KIAA0319: variants seen among roughly 807,000 people sequenced by gnomAD.
KIAA0319 encodes KIAA0319, also known as dyslexia-associated protein KIAA0319.
A neutral mutation model predicts 108.4 loss-of-function variants in KIAA0319; 83 were observed. The ratio of observed to expected loss-of-function variants is 0.77; its 90% CI spans 0.64 to 0.92. The LOEUF (loss-of-function observed/expected upper bound fraction) is 0.92, where lower values mean the gene tolerates loss of function less well. KIAA0319 is among the 40% of genes least tolerant of loss of function. KIAA0319 has a pLI of 0.00. For synonymous variants in KIAA0319, 484 were observed against 510.4 expected (o/e 0.95, Z 0.70); for missense variants, 1,195 against 1,322.4 (o/e 0.90, Z 1.49).
chr6:24,571,036 C>A (rs1764652787), intron 11 of KIAA0319, among the ~76,000 whole-genome samples: 1 of 150,612 alleles, frequency 6.6e-6, no homozygotes, highest in African/African-American at 2.4e-5. Context: ...TATTAAAAAT[C>A]CAAAAATTAG....
rs188948477 is a variant in KIAA0319, at chr6:24,608,909, C to T, written c.-105-7701G>A. On this transcript the variant is annotated intron_variant, in intron 1 of 20. Coordinates refer to ENST00000378214, the MANE Select transcript of KIAA0319 (RefSeq NM_014809.4). The stretch of plus-strand genomic sequence containing the variant: ...TCATGTCACTGCACTCCAGCCTGGG[C>T]GACAGAGGGAGACTCCGTCTCAAAA... Among the ~76,000 whole-genome samples the T allele has an allele frequency of 6.2e-3, 656 of 106,258 alleles. 1 individual carries two copies. The highest frequency in any genetic ancestry group is 8.0e-3 in the Non-Finnish European group (463 of 57,614). The allele number at this position is 106,258 out of a possible 152,430, so 69.7% of individuals were successfully genotyped here. A position where few individuals can be genotyped will look rare whatever the true frequency, so the allele number is the denominator to read the frequency against.
At chr6:24,631,440 G>A (rs1293166387) in intron 1 of KIAA0319, among the ~76,000 whole-genome samples, 1 of 152,202 alleles carries the variant, frequency 6.6e-6, no homozygotes, top group African/African-American at 2.4e-5. Context: ...AGGAGTATAC[G>A]TTGGGAGAAA....
chr6:24,614,563 A>C (rs1772874897), intron 1 of KIAA0319, among the ~76,000 whole-genome samples: 1 of 152,190 alleles, frequency 6.6e-6, no homozygotes, highest in Non-Finnish European at 1.5e-5. Context: ...GGAAAAAAAA[A>C]CAATTAAATA....
intron 2 of KIAA0319, chr6:24,598,314 G>T: frequency 3.0e-6 from 2 of 674,966 alleles, no homozygotes; most frequent in South Asian, 1.5e-5. Context: ...AGAAGGAGCA[G>T]ATCAAGACCA....
intron 1 of KIAA0319, among the ~76,000 whole-genome samples, chr6:24,628,863 G>A (rs1775096432): frequency 6.6e-6 from 1 of 152,026 alleles, no homozygotes; most frequent in Non-Finnish European, 1.5e-5. Flanking sequence ...CCTCTTATAA[G>A]GGCACCAGTC....
At position 24,579,954 on chromosome 6, in the gene KIAA0319, T is replaced by TA; in HGVS notation, c.1280-5dup. ...GGTGGCAGGTTGACTCTTCTGGCTG[T>TA]AACAAAAAAAAGGACAGTGACTGAG... On this transcript the variant is annotated splice_polypyrimidine_tract_variant and splice_region_variant and intron_variant, in intron 7 of 20. Transcript: ENST00000378214. 2.5e-6 allele frequency: 4 copies of TA among 1,574,414 alleles called. No individual in the cohort carries two copies. Among genetic ancestry groups the TA allele is most frequent in the Admixed American group, 3.7e-5 (2 of 53,776 alleles).
chr6:24,610,471 T>C (rs752554548), intron 1 of KIAA0319, among the ~76,000 whole-genome samples: 17 of 152,186 alleles, frequency 1.1e-4, no homozygotes, highest in Non-Finnish European at 1.0e-4. Context: ...TCCTCATACA[T>C]TGTTGGTGTG....
intron 8 of KIAA0319, among the ~76,000 whole-genome samples, chr6:24,579,493 C>A (rs2744560): frequency 0.07 from 9,968 of 141,520 alleles, 899 homozygotes; most frequent in African/African-American, 0.22. Flanking sequence ...TCTCATATAT[C>A]TTATATATCT....
At chr6:24,572,058 A>T (rs376740357) in intron 11 of KIAA0319, among the ~76,000 whole-genome samples, 13 of 152,262 alleles carry the variant, frequency 8.5e-5, no homozygotes, top group Non-Finnish European at 1.8e-4. Flanking sequence ...GTATAATCTC[A>T]TTGCCAGGAA....
In KIAA0319 at chr6:24,570,036, C is replaced by A. The variant is rs1305080035; in HGVS notation, c.1859-1G>T. 6.2e-7 allele frequency: 1 copy of A among 1,613,186 alleles called. No homozygotes were observed. Among genetic ancestry groups the A allele is most frequent in the Admixed American group, 1.7e-5 (1 of 59,798 alleles). ...ACAGCCACTGGAGGTCTATTGTTTT[C>A]TGGAATTACAGAAACAGTGTGAAAA... On this transcript the variant is annotated splice_acceptor_variant, in intron 11 of 20. Coordinates refer to ENST00000378214, the MANE Select transcript of KIAA0319 (RefSeq NM_014809.4). LOFTEE classifies it high-confidence loss of function.
Position 24,597,917 on chromosome 6 carries a change from CAAAAAAAAAAAA to C in KIAA0319, c.56-1311_56-1300del, listed in dbSNP as rs540860751. The C allele has an allele frequency of 5.5e-3, 180 of 32,458 alleles. 1 individual carries two copies. The highest frequency in any genetic ancestry group is 8.2e-3 in the Non-Finnish European group (129 of 15,648). 2.0% of individuals were successfully genotyped at this position (32,458 alleles called of 1,614,324 possible). On this transcript the variant is annotated intron_variant, in intron 2 of 20. Transcript: ENST00000378214. ...TGGGTGACAGAGCAAGACCCTATCT[CAAAAAAAAAAAA>C]AAAAAAAAAAAAAAAAAAAAACCAC...
chr6:24,576,955 T>G (rs1582024419), intron 9 of KIAA0319, among the ~76,000 whole-genome samples: 2 of 151,104 alleles, frequency 1.3e-5, no homozygotes, highest in South Asian at 4.2e-4. Context: ...AGAAAAAAAG[T>G]AGACAAAAAA....
At chr6:24,567,099 T>C (rs1159141043) in intron 13 of KIAA0319, among the ~76,000 whole-genome samples, 2 of 152,142 alleles carry the variant, frequency 1.3e-5, no homozygotes, top group African/African-American at 4.8e-5. Flanking sequence ...GTTTACAATA[T>C]ACTTTGGGTC....
At chr6:24,556,572 T>C in intron 18 of KIAA0319, 35 bp downstream of exon 18, 1 of 1,605,684 alleles carries the variant, frequency 6.2e-7, no homozygotes, top group Non-Finnish European at 8.5e-7. Context: ...GCCTTAAGGC[T>C]CCTCACCCAA....
chr6:24,559,062 C>G lies in KIAA0319; in HGVS notation c.2685G>C (p.Lys895Asn). 3.1e-6 allele frequency: 5 copies of G among 1,613,504 alleles called. No individual in the cohort carries two copies. The Middle Eastern group carries it at 5.1e-4, about 164-fold the overall frequency. The part of the protein sequence containing the change: ...VARNLHMRLS[K>N]EKADFLLFKV... ...TGAAAAGCAAGAAGTCAGCCTTCTC[C>G]TTTGAGAGCCGCATGTGCAGATTTC... The change falls in exon 17 of 21, where the codon AAG becomes AAC. Residue 895 changes from lysine (K) to asparagine (N), a missense_variant. Physicochemically the swap from Lys to Asn is moderately conservative, Grantham distance 94. Coordinates refer to ENST00000378214, the MANE Select transcript of KIAA0319 (RefSeq NM_014809.4).
rs1770341780 is a variant in KIAA0319, at chr6:24,599,858, T to C, written c.55+1191A>G. 5 of 403,178 alleles carry C rather than the reference T, an allele frequency of 1.2e-5. No individual in the cohort carries two copies. The highest frequency in any genetic ancestry group is 2.3e-5 in the Non-Finnish European group (5 of 214,292). The allele number at this position is 403,178 out of a possible 1,614,324, so 25.0% of individuals were successfully genotyped here. A position where few individuals can be genotyped will look rare whatever the true frequency, so the allele number is the denominator to read the frequency against. On this transcript the variant is annotated intron_variant, in intron 2 of 20. Transcript: ENST00000378214. The surrounding 1 kb of genome is among the most constrained non-coding windows in gnomAD (Gnocchi z 4.1). The stretch of plus-strand genomic sequence containing the variant: ...CCCCAGAGCCTGTGGGGGAGGCCAC[T>C]GTGCAGGGGAGCATAGGGAACAGGA...
chr6:24,642,360 T>C (rs1777077052), intron 1 of KIAA0319, among the ~76,000 whole-genome samples: 1 of 152,168 alleles, frequency 6.6e-6, no homozygotes, highest in African/African-American at 2.4e-5. Context: ...TCTGTTACAA[T>C]GATTACAAGA....
chr6:24,552,499 C>T (rs1761656041), intron 19 of KIAA0319, among the ~76,000 whole-genome samples: 1 of 152,192 alleles, frequency 6.6e-6, no homozygotes, highest in South Asian at 2.1e-4. Context: ...GGATTTAGGC[C>T]TCTAAGTGCC....
chr6:24,641,956 C>T (rs1202733433), intron 1 of KIAA0319, among the ~76,000 whole-genome samples: 2 of 142,664 alleles, frequency 1.4e-5, no homozygotes, highest in African/African-American at 5.2e-5. Flanking sequence ...GCAGAGGCTG[C>T]AGTGAGCCAA....
Sources: gnomAD v4.1 joint callset for allele counts (sites outside exome capture counted in the v4.1 genomes callset) on GRCh38, gnomAD v4.1.1 for gene constraint, Gnocchi (gnomAD v3.1) non-coding constraint, MANE v1.5 for transcripts, NCBI Gene and HGNC (gene_info 2026-07-23, HGNC 2026-07-21) for gene names.